The following DCC variants were observed in gnomAD, a reference collection of about 807,000 sequenced individuals.
DCC encodes netrin receptor DCC.
In DCC, 58 loss-of-function variants were observed where a neutral mutation model predicts 172.5. That is an observed-to-expected ratio of 0.34 (90% CI 0.27 to 0.42). DCC has a LOEUF of 0.42. DCC is among the 10% of genes least tolerant of loss of function. The pLI is 1.00. For missense variants in DCC, 1,740 were observed against 1,791.0 expected, an observed-to-expected ratio of 0.97 and a Z score of 0.51; for synonymous variants, 709 against 644.5, an observed-to-expected ratio of 1.10 and a Z score of -1.52.
chr18:52,763,805 A>G lies in DCC; in HGVS notation c.412+11431A>G, dbSNP rs190039401. Among the ~76,000 whole-genome samples, 12 of 152,330 alleles carry G rather than the reference A, an allele frequency of 7.9e-5. No homozygotes were observed. In the East Asian group the frequency reaches 1.7e-3, roughly 22 times the overall value. On this transcript the variant is annotated intron_variant, in intron 2 of 28. Transcript: ENST00000442544. ...CTACTTCCTGTCTTTGCTATTTAAC[A>G]TAAATGAGATTATCTGATTATCCTG...
intron 15 of DCC, among the ~76,000 whole-genome samples, chr18:53,375,646 A>T (rs149029691): frequency 9.4e-5 from 13 of 137,848 alleles, no homozygotes; most frequent in African/African-American, 3.3e-4. Context: ...GAGAAATGTG[A>T]ACAAAAAGAG....
chr18:52,914,729 C>T (rs955195131), intron 3 of DCC, among the ~76,000 whole-genome samples: 1 of 152,108 alleles, frequency 6.6e-6, no homozygotes, highest in African/African-American at 2.4e-5. Flanking sequence ...TGAAGGCTCA[C>T]GGTACCTGCT....
At chr18:52,814,315 G>GAAAAT in intron 2 of DCC, among the ~76,000 whole-genome samples, 1 of 152,208 alleles carries the variant, frequency 6.6e-6, no homozygotes, top group Non-Finnish European at 1.5e-5. Flanking sequence ...TGAGATACCA[G>GAAAAT]TAGCCTGACT....
chr18:53,193,185 C>A (rs1007761390), intron 9 of DCC, among the ~76,000 whole-genome samples: 5 of 152,092 alleles, frequency 3.3e-5, no homozygotes, highest in African/African-American at 1.2e-4. Flanking sequence ...ATGGGAATTT[C>A]TTTCTGATTT....
chr18:52,773,532 A>ATCTT (rs1393613060), intron 2 of DCC, among the ~76,000 whole-genome samples: 1 of 151,330 alleles, frequency 6.6e-6, no homozygotes, highest in Non-Finnish European at 1.5e-5. Flanking sequence ...TTATCTATCT[A>ATCTT]TCTATATATT....
chr18:52,775,777 C>T (rs9956954), intron 2 of DCC, among the ~76,000 whole-genome samples: 13,243 of 152,230 alleles, frequency 0.087, 665 homozygotes, highest in South Asian at 0.18. Flanking sequence ...CCACTAGGGT[C>T]TCAGGCTTTT....
chr18:52,654,710 A>C (rs918334158), intron 1 of DCC, among the ~76,000 whole-genome samples: 1 of 152,082 alleles, frequency 6.6e-6, no homozygotes, highest in Non-Finnish European at 1.5e-5. Context: ...GGGGGTTAGG[A>C]CTTCAGTATA....
chr18:52,887,402 A>G (rs1269799204), intron 2 of DCC, among the ~76,000 whole-genome samples: 1 of 152,002 alleles, frequency 6.6e-6, no homozygotes, highest in Non-Finnish European at 1.5e-5. Flanking sequence ...GCTTTATATT[A>G]GGTTTATTCC....
intron 12 of DCC, among the ~76,000 whole-genome samples, chr18:53,274,665 A>G (rs1247645114): frequency 1.3e-5 from 2 of 152,158 alleles, no homozygotes; most frequent in African/African-American, 4.8e-5. Flanking sequence ...TGAAAATCCC[A>G]GTTGAACACC....
At chr18:53,104,481 T>C (rs1015139844) in intron 7 of DCC, among the ~76,000 whole-genome samples, 1 of 152,060 alleles carries the variant, frequency 6.6e-6, no homozygotes, top group Admixed American at 6.6e-5. Flanking sequence ...TCCACCATGA[T>C]TGGGAGGCCT....
At chr18:52,761,564 A>C (rs2037160090) in intron 2 of DCC, among the ~76,000 whole-genome samples, 1 of 152,198 alleles carries the variant, frequency 6.6e-6, no homozygotes, top group Non-Finnish European at 1.5e-5. Flanking sequence ...AATATTTCTG[A>C]TAGAAATTCA....
chr18:53,468,665 A>G (rs2145185813), intron 25 of DCC, among the ~76,000 whole-genome samples: 1 of 152,182 alleles, frequency 6.6e-6, no homozygotes, highest in Non-Finnish European at 1.5e-5. Flanking sequence ...ATATAGGCAT[A>G]AGCTACTGCA....
chr18:53,008,944 T>C (rs1599023800), intron 5 of DCC, among the ~76,000 whole-genome samples: 1 of 151,944 alleles, frequency 6.6e-6, no homozygotes, highest in East Asian at 1.9e-4. Context: ...CCTGAGAAGT[T>C]TAGCTTATAT....
intron 1 of DCC, among the ~76,000 whole-genome samples, chr18:52,568,159 A>T (rs1187591450): frequency 6.6e-6 from 1 of 152,140 alleles, no homozygotes; most frequent in Non-Finnish European, 1.5e-5. Flanking sequence ...TATATTTGAA[A>T]ATAAAAAGTT....
At chr18:52,351,426 T>C (rs565896690) in intron 1 of DCC, among the ~76,000 whole-genome samples, 2 of 132,686 alleles carry the variant, frequency 1.5e-5, no homozygotes, top group Non-Finnish European at 3.4e-5. Context: ...GGCCACCTTT[T>C]CCTTGATTTT....
chr18:53,274,516 C>T (rs775236750), intron 12 of DCC, among the ~76,000 whole-genome samples: 3 of 152,264 alleles, frequency 2.0e-5, no homozygotes, highest in Admixed American at 6.5e-5. Context: ...GGACATCACA[C>T]GATTTGCCTC....
At chr18:53,396,579 T>C (rs1908959648) in intron 17 of DCC, among the ~76,000 whole-genome samples, 1 of 152,218 alleles carries the variant, frequency 6.6e-6, no homozygotes, top group African/African-American at 2.4e-5. Context: ...CGTTAAATGT[T>C]TGTTTAATGT....
chr18:53,167,852 G>A (rs2054946685), intron 8 of DCC, among the ~76,000 whole-genome samples: 1 of 152,130 alleles, frequency 6.6e-6, no homozygotes, highest in Non-Finnish European at 1.5e-5. Context: ...ATGAGGGTAC[G>A]AAGTTTCAGC....
At chr18:53,126,612 A>T (rs933622419) in intron 7 of DCC, among the ~76,000 whole-genome samples, 14 of 152,152 alleles carry the variant, frequency 9.2e-5, no homozygotes, top group African/African-American at 3.4e-4. Context: ...ATCTCATTTG[A>T]CTGTTCCAGA....
Sources: allele counts gnomAD v4.1 joint callset (sites outside exome capture counted in the v4.1 genomes callset), GRCh38; gene constraint gnomAD v4.1.1; transcripts MANE v1.5; gene names NCBI Gene and HGNC (gene_info 2026-07-23, HGNC 2026-07-21).